ASB2: variants seen among roughly 807,000 people sequenced by gnomAD.
ASB2 encodes ankyrin repeat and SOCS box containing 2.
ASB2 carries 58 observed loss-of-function variants against 62.4 expected under a neutral mutation model. The observed-to-expected ratio is 0.93, with a 90% CI of 0.75 to 1.16. The LOEUF is 1.16. Among genes scored for constraint, ASB2 ranks in the 50% most tolerant of loss-of-function variants. The probability of loss-of-function intolerance (pLI) is 0.00; values close to 1 mark genes in which losing one functional copy is unlikely to be tolerated. For missense variants in ASB2, 928 were observed against 887.9 expected, an observed-to-expected ratio of 1.05 and a Z score of -0.57; for synonymous variants, 386 against 385.3, an observed-to-expected ratio of 1.00 and a Z score of -0.02.
rs1379309576 is a variant in ASB2, at chr14:93,956,817, T to C, written c.260A>G (p.Gln87Arg). The change falls in exon 3 of 10, where the codon CAA (glutamine) becomes CGA (arginine). Residue 87 changes from glutamine (Q) to arginine (R), a missense_variant. By Grantham distance (43) the Gln-to-Arg change is conservative. Coordinates refer to ENST00000555019, the MANE Select transcript of ASB2 (RefSeq NM_001202429.2). ...GCTGCTGTATTTCTGCATGACCCCTTGGAACAAGCCCATTGGGGCCCGGGC... is the reference window on the plus strand; with the variant it reads ...GCTGCTGTATTTCTGCATGACCCCTCGGAACAAGCCCATTGGGGCCCGGGC... ...SPARAPMGLF[Q>R]GVMQKYSSSL... 1 of 1,614,040 alleles carries C rather than the reference T, an allele frequency of 6.2e-7. No individual in the cohort carries two copies. The highest frequency in any genetic ancestry group is 8.5e-7 in the Non-Finnish European group (1 of 1,180,030).
At chr14:93,941,428 C>A in intron 7 of ASB2, 1 of 313,330 alleles carries the variant, frequency 3.2e-6, no homozygotes, top group South Asian at 2.5e-5. Context: ...ATGCCAGCGA[C>A]CTCCTGCTGG....
rs1158722105 is a variant in ASB2 at position 93,964,413 on chromosome 14, T to C, written c.127A>G (p.Thr43Ala). Residue 43 changes from threonine (T) to alanine (A), a missense_variant, in exon 2 of 10, where the codon ACA becomes GCA. Transcript: ENST00000555019. ...GCCTCAGCAGTGGTTGGGCCCCTTG[T>C]CTTGTCCGCTAGGCTCTGCTCGATG... ...MAIEQSLADK[T>A]RGPTTAEATA... 10 of 1,536,070 alleles carry C rather than the reference T, an allele frequency of 6.5e-6. No individual in the cohort carries two copies. The South Asian group carries it at 1.2e-4, about 18-fold the overall frequency.
intron 1 of ASB2, among the ~76,000 whole-genome samples, chr14:93,973,579 G>A (rs1022448470): frequency 1.3e-5 from 2 of 152,212 alleles, no homozygotes; most frequent in Admixed American, 1.3e-4. Flanking sequence ...CAAAAGTCAA[G>A]CTTCCAGTTT....
intron 2 of ASB2, among the ~76,000 whole-genome samples, chr14:93,962,865 C>T (rs55658365): frequency 0.071 from 10,796 of 152,256 alleles, 403 homozygotes; most frequent in African/African-American, 0.083. Context: ...TCCGCTGAAC[C>T]GGCCAGAACA....
intron 7 of ASB2, chr14:93,942,173 G>A: frequency 2.2e-6 from 1 of 455,900 alleles, no homozygotes; most frequent in Non-Finnish European, 4.4e-6. Flanking sequence ...CCACCAAACA[G>A]TCTGACTCTT....
In ASB2 at chr14:93,954,535, AG is replaced by A. The variant is rs563430043; in HGVS notation, c.312-53del. 1,127 of 1,565,468 alleles carry A rather than the reference AG, an allele frequency of 7.2e-4. 1 individual carries two copies. Among genetic ancestry groups the A allele is most frequent in the Admixed American group, 2.0e-3 (120 of 58,880 alleles). ...CTCAAGGTCAGGCCAAGGCCAGGCC[AG>A]GGGGCCTCTCTCTCAGGAGTGCTGG... On this transcript the variant is annotated intron_variant, in intron 3 of 9. Coordinates refer to ENST00000555019, the MANE Select transcript of ASB2 (RefSeq NM_001202429.2).
intron 2 of ASB2, among the ~76,000 whole-genome samples, chr14:93,959,344 G>A (rs1889329665): frequency 6.6e-6 from 1 of 152,218 alleles, no homozygotes; most frequent in African/African-American, 2.4e-5. Flanking sequence ...CATTCTGGGA[G>A]CACTGAGATC....
intron 7 of ASB2, among the ~76,000 whole-genome samples, chr14:93,943,023 T>C (rs547033952): frequency 4.5e-4 from 68 of 152,336 alleles, no homozygotes; most frequent in Non-Finnish European, 6.9e-4. Context: ...ATTTGTTTAC[T>C]TCATTTAATC....
rs567886642 is a variant in ASB2, at chr14:93,953,373, G to A, written c.613C>T (p.Arg205Ter). 1.4e-5 allele frequency: 23 copies of A among 1,590,290 alleles called. No homozygotes were observed. Among genetic ancestry groups the A allele is most frequent in the African/African-American group, 5.4e-5 (4 of 74,636 alleles). The change falls in exon 5 of 10, where the codon CGA (arginine) becomes TGA (stop). Residue 205 changes from arginine (R) to a stop codon, truncating the protein, a stop_gained. Coordinates refer to ENST00000555019, the MANE Select transcript of ASB2 (RefSeq NM_001202429.2). LOFTEE classifies it high-confidence loss of function. ...GAEPDISNKSRETPLYKACER... is the reference protein window; with the variant it reads ...GAEPDISNKS ...TCACCTTTGTAGAGCGGTGTCTCTC[G>A]GGATTTGTTGGAGATGTCCGGCTCT... is the stretch of plus-strand genomic sequence containing the variant.
intron 2 of ASB2, among the ~76,000 whole-genome samples, chr14:93,962,623 A>G (rs539946872): frequency 2.0e-5 from 3 of 152,216 alleles, no homozygotes; most frequent in African/African-American, 7.2e-5. Flanking sequence ...GTGGGCCTCC[A>G]TTTCCTTACC....
chr14:93,953,245 C>T (rs908622688), intron 5 of ASB2, 107 bp downstream of exon 5: 79 of 988,484 alleles, frequency 8.0e-5, no homozygotes, highest in Non-Finnish European at 1.1e-4. Flanking sequence ...TGCATTTGAG[C>T]AGGGCCACGT....
At chr14:93,968,641 CAT>C (rs1030911817) in intron 1 of ASB2, among the ~76,000 whole-genome samples, 16 of 152,196 alleles carry the variant, frequency 1.1e-4, no homozygotes, top group African/African-American at 3.6e-4. Context: ...CCCTGGGCAC[CAT>C]ACCAGCCTCT....
In ASB2 at chr14:93,939,237, C is replaced by A. The variant is rs1402544545; in HGVS notation, c.1488G>T (p.Met496Ile). Reference protein sequence around the residue: ...MKCLSLLKFLMDLGCDGEPCF... With the variant: ...MKCLSLLKFLIDLGCDGEPCF... ...AGGGCTCGCCGTCGCAGCCCAGGTC[C>A]ATGAGGAACTTGAGCAGCGACAGGC... The change falls in exon 8 of 10, where the codon ATG becomes ATT. Residue 496 changes from methionine (M) to isoleucine (I), a missense_variant. Physicochemically the swap from Met to Ile is conservative, Grantham distance 10. Transcript: ENST00000555019. 6.2e-6 allele frequency: 10 copies of A among 1,609,978 alleles called. No individual in the cohort carries two copies. Among genetic ancestry groups the A allele is most frequent in the Non-Finnish European group, 8.5e-6 (10 of 1,177,356 alleles).
At chr14:93,972,833 G>A (rs927114095) in intron 1 of ASB2, among the ~76,000 whole-genome samples, 2 of 152,214 alleles carry the variant, frequency 1.3e-5, no homozygotes, top group Non-Finnish European at 2.9e-5. Context: ...GCTGCCCTGG[G>A]GCCTGGTGTC....
chr14:93,949,586 G>T (rs1251657603), intron 6 of ASB2, among the ~76,000 whole-genome samples: 1 of 152,208 alleles, frequency 6.6e-6, no homozygotes, highest in Non-Finnish European at 1.5e-5. Flanking sequence ...CCAGTGAGCC[G>T]CCCTAACCCT....
intron 6 of ASB2, among the ~76,000 whole-genome samples, chr14:93,950,754 C>T (rs1460390149): frequency 4.0e-5 from 6 of 150,692 alleles, no homozygotes; most frequent in African/African-American, 7.4e-5. Context: ...ATAGGTGGTC[C>T]GTGGGCCAGA....
At chr14:93,968,712 C>T (rs769160795) in intron 1 of ASB2, among the ~76,000 whole-genome samples, 1 of 152,194 alleles carries the variant, frequency 6.6e-6, no homozygotes, top group East Asian at 1.9e-4. Context: ...CTTGACAGGA[C>T]CTTGAGAAAG....
At position 93,940,813 on chromosome 14, in the gene ASB2, A is replaced by G. The variant is rs143926887; in HGVS notation, c.1053-1141T>C. Reference sequence around the variant, plus strand: ...AGCCCTCTGAAGTGAGTACTGTAATATCCTCATTTCAGAGATGAGGAGACA... The same window carrying G: ...AGCCCTCTGAAGTGAGTACTGTAATGTCCTCATTTCAGAGATGAGGAGACA... On this transcript the variant is annotated intron_variant, in intron 7 of 9. Coordinates refer to ENST00000555019, the MANE Select transcript of ASB2 (RefSeq NM_001202429.2). 1.6e-3 allele frequency among the ~76,000 whole-genome samples: 238 copies of G among 152,250 alleles called. 5 individuals are homozygous for G. Among genetic ancestry groups the G allele is most frequent in the African/African-American group, 5.5e-3 (230 of 41,550 alleles).
chr14:93,963,648 C>T (rs1329124716), intron 2 of ASB2, among the ~76,000 whole-genome samples: 2 of 151,658 alleles, frequency 1.3e-5, no homozygotes, highest in South Asian at 2.1e-4. Flanking sequence ...ACTTGATGGG[C>T]AAAAAGAAAT....
Sources: gnomAD v4.1 joint callset for allele counts (sites outside exome capture counted in the v4.1 genomes callset) on GRCh38, gnomAD v4.1.1 for gene constraint, MANE v1.5 for transcripts, NCBI Gene and HGNC (gene_info 2026-07-23, HGNC 2026-07-21) for gene names.